The following PAK1 variants were observed in gnomAD, a reference collection of about 807,000 sequenced individuals.
PAK1 encodes serine/threonine-protein kinase PAK 1.
A neutral mutation model predicts 67.4 loss-of-function variants in PAK1; 29 were observed. The observed-to-expected ratio is 0.43, with a 90% CI of 0.32 to 0.59. PAK1 has a LOEUF of 0.59. PAK1 is among the 20% of genes least tolerant of loss of function. The pLI is 0.07. For synonymous variants in PAK1, 223 were observed against 237.4 expected (o/e 0.94, Z 0.56); for missense variants, 337 against 670.7 (o/e 0.50, Z 5.50).
chr11:77,484,197 C>CAA, the PAK1 span, among the ~76,000 whole-genome samples: 80 of 116,758 alleles, frequency 6.9e-4, no homozygotes, highest in African/African-American at 1.9e-3. Context: ...ATGAGTAAGC[C>CAA]AAAAAAAAAA....
intron 9 of PAK1, among the ~76,000 whole-genome samples, chr11:77,344,324 CA>C (rs1439992679): frequency 2.6e-5 from 4 of 152,180 alleles, no homozygotes; most frequent in African/African-American, 9.7e-5. Flanking sequence ...GCTAGCGAAA[CA>C]TAAAATACGG....
At chr11:77,378,749 G>A (rs952377397) in intron 4 of PAK1, among the ~76,000 whole-genome samples, 10 of 151,976 alleles carry the variant, frequency 6.6e-5, no homozygotes, top group Non-Finnish European at 1.0e-4. Flanking sequence ...CACCACACCC[G>A]GCTAATTTTT....
At chr11:77,484,343 G>C in the PAK1 span, among the ~76,000 whole-genome samples, 1 of 152,086 alleles carries the variant, frequency 6.6e-6, no homozygotes, top group South Asian at 2.1e-4. Flanking sequence ...TCCCCAGGAG[G>C]CTTGACTGAA....
At chr11:77,448,201 A>C (rs1271317481) in intron 1 of PAK1, among the ~76,000 whole-genome samples, 1 of 152,188 alleles carries the variant, frequency 6.6e-6, no homozygotes, top group Non-Finnish European at 1.5e-5. Context: ...GTAAAATGGG[A>C]GACTCATATG....
At chr11:77,509,023 C>T in the PAK1 span, among the ~76,000 whole-genome samples, 1 of 146,508 alleles carries the variant, frequency 6.8e-6, no homozygotes, top group Non-Finnish European at 1.5e-5. Flanking sequence ...GTAATCCCAA[C>T]ACTTTGGGAG....
At chr11:77,375,193 A>G (rs1030472704) in intron 4 of PAK1, among the ~76,000 whole-genome samples, 4 of 152,220 alleles carry the variant, frequency 2.6e-5, no homozygotes, top group Admixed American at 6.5e-5. Context: ...TTCTGGTCTC[A>G]TTCTAAATAC....
chr11:77,387,425 GAAC>G (rs776189781), intron 2 of PAK1, among the ~76,000 whole-genome samples: 30 of 152,290 alleles, frequency 2.0e-4, no homozygotes, highest in Non-Finnish European at 4.0e-4. Context: ...TCAGGGTTGA[GAAC>G]AACTAAGAGA....
chr11:77,446,379 G>T (rs1956601887), intron 1 of PAK1, among the ~76,000 whole-genome samples: 1 of 152,002 alleles, frequency 6.6e-6, no homozygotes, highest in South Asian at 2.1e-4. Context: ...AGGCATGCTG[G>T]TGCAGGCTTG....
intron 8 of PAK1, among the ~76,000 whole-genome samples, chr11:77,351,135 TTCA>T (rs1183951016): frequency 6.6e-6 from 1 of 152,174 alleles, no homozygotes; most frequent in Non-Finnish European, 1.5e-5. Flanking sequence ...ATATTACCAA[TTCA>T]TCATATTGGT....
intron 5 of PAK1, among the ~76,000 whole-genome samples, chr11:77,360,609 T>C (rs954950201): frequency 6.6e-5 from 10 of 152,178 alleles, no homozygotes; most frequent in Non-Finnish European, 1.5e-4. Context: ...CTAGGTTTGT[T>C]TGCTTTATAA....
At chr11:77,435,359 C>T in intron 1 of PAK1, among the ~76,000 whole-genome samples, 1 of 152,220 alleles carries the variant, frequency 6.6e-6, no homozygotes, top group Non-Finnish European at 1.5e-5. Context: ...TGACTTCACA[C>T]TGAACCTTAG....
chr11:77,509,511 C>A, the PAK1 span, among the ~76,000 whole-genome samples: 7 of 152,102 alleles, frequency 4.6e-5, no homozygotes, highest in African/African-American at 1.4e-4. Flanking sequence ...ATTGTGGCAA[C>A]CCCAGTTTGC....
chr11:77,381,352 CCA>C (rs1949812376), intron 2 of PAK1, among the ~76,000 whole-genome samples: 2 of 152,212 alleles, frequency 1.3e-5, no homozygotes, highest in African/African-American at 2.4e-5. Context: ...AGATGGCATC[CCA>C]CAGTTTTAAA....
the PAK1 span, among the ~76,000 whole-genome samples, chr11:77,527,550 G>A: frequency 3.3e-5 from 5 of 152,138 alleles, no homozygotes; most frequent in African/African-American, 7.2e-5. Flanking sequence ...GAAGTAACTT[G>A]TCCAAGGTAA....
chr11:77,474,422 A>G (rs1041453720), upstream of PAK1: 1 of 151,612 alleles, frequency 6.6e-6, no homozygotes, highest in Non-Finnish European at 1.5e-5. Context: ...GCGTCGCGTC[A>G]CTGTTCTCGG....
At chr11:77,402,615 C>A (rs1341362719) in intron 1 of PAK1, among the ~76,000 whole-genome samples, 1 of 152,112 alleles carries the variant, frequency 6.6e-6, no homozygotes, top group South Asian at 2.1e-4. Context: ...AATCGGAGAG[C>A]TGGAAGGAAC....
chr11:77,529,140 A>C, the PAK1 span, among the ~76,000 whole-genome samples: 1 of 152,166 alleles, frequency 6.6e-6, no homozygotes, highest in Non-Finnish European at 1.5e-5. Context: ...CCATCCTGAG[A>C]TGGGATGTAG....
intron 1 of PAK1, among the ~76,000 whole-genome samples, chr11:77,427,153 A>C (rs1955594190): frequency 6.6e-6 from 1 of 152,220 alleles, no homozygotes; most frequent in African/African-American, 2.4e-5. Context: ...GTCACTGAGA[A>C]AGTCTAAAAC....
chr11:77,414,891 CAT>C (rs1954862629), intron 1 of PAK1, among the ~76,000 whole-genome samples: 1 of 152,078 alleles, frequency 6.6e-6, no homozygotes, highest in African/African-American at 2.4e-5. Flanking sequence ...AAAAAACTGA[CAT>C]GTTAGACTGG....
Sources: allele counts gnomAD v4.1 joint callset (sites outside exome capture counted in the v4.1 genomes callset), GRCh38; gene constraint gnomAD v4.1.1; transcripts MANE v1.5; gene names NCBI Gene and HGNC (gene_info 2026-07-23, HGNC 2026-07-21).